MAML3: variants seen among roughly 807,000 people sequenced by gnomAD.
MAML3 encodes the protein mastermind like transcriptional coactivator 3, also known as mastermind-like protein 3.
A neutral mutation model predicts 101.9 loss-of-function variants in MAML3; 27 were observed. The observed-to-expected ratio is 0.27, with a 90% CI of 0.20 to 0.37. MAML3 has a LOEUF of 0.37. MAML3 is among the 10% of genes least tolerant of loss of function. The pLI, the probability that MAML3 is intolerant of heterozygous loss-of-function variation, is 1.00. For synonymous variants in MAML3, 501 were observed against 555.9 expected (o/e 0.90, Z 1.39); for missense variants, 1,316 against 1,444.9 (o/e 0.91, Z 1.45).
intron 1 of MAML3, among the ~76,000 whole-genome samples, chr4:139,988,812 A>G (rs888530292): frequency 6.6e-6 from 1 of 152,184 alleles, no homozygotes; most frequent in Non-Finnish European, 1.5e-5. Flanking sequence ...CTCTGGACTA[A>G]CAAGCAACTC....
chr4:140,089,895 T>C (rs1254859708), intron 1 of MAML3, among the ~76,000 whole-genome samples: 2 of 152,208 alleles, frequency 1.3e-5, no homozygotes, highest in Non-Finnish European at 2.9e-5. Flanking sequence ...AGTGCTGGGA[T>C]TCCAGACATG....
chr4:140,051,923 A>C (rs150972188), intron 1 of MAML3, among the ~76,000 whole-genome samples: 2 of 152,136 alleles, frequency 1.3e-5, no homozygotes, highest in Non-Finnish European at 2.9e-5. Flanking sequence ...GAACCAGGCA[A>C]TTCTCTCTGA....
intron 1 of MAML3, among the ~76,000 whole-genome samples, chr4:140,029,028 G>T (rs537207624): frequency 6.6e-6 from 1 of 152,128 alleles, no homozygotes; most frequent in Non-Finnish European, 1.5e-5. Context: ...CTGACCTTGA[G>T]TAAAGCACCT....
intron 1 of MAML3, among the ~76,000 whole-genome samples, chr4:139,893,463 G>A (rs1732544540): frequency 6.6e-6 from 1 of 152,124 alleles, no homozygotes. Flanking sequence ...GTTCCAAGAA[G>A]GTAGGAACCG....
chr4:139,822,916 T>A (rs1730999576), intron 2 of MAML3, among the ~76,000 whole-genome samples: 1 of 152,230 alleles, frequency 6.6e-6, no homozygotes, highest in South Asian at 2.1e-4. Flanking sequence ...GTGGTATCTC[T>A]CCCTAAAGTG....
chr4:140,071,295 G>T (rs1170925604), intron 1 of MAML3, among the ~76,000 whole-genome samples: 1 of 152,084 alleles, frequency 6.6e-6, no homozygotes, highest in Admixed American at 6.6e-5. Flanking sequence ...CCCAGAACTT[G>T]TCCCATCCAG....
chr4:140,052,907 T>TC (rs1483378362), intron 1 of MAML3, among the ~76,000 whole-genome samples: 2 of 152,130 alleles, frequency 1.3e-5, no homozygotes, highest in Non-Finnish European at 2.9e-5. Context: ...AACTATTTCC[T>TC]CCTAACAGGG....
intron 2 of MAML3, among the ~76,000 whole-genome samples, chr4:139,823,465 C>T (rs765443948): frequency 2.0e-5 from 3 of 152,190 alleles, no homozygotes; most frequent in African/African-American, 4.8e-5. Flanking sequence ...TGACTGCTGC[C>T]TGTGTCACTT....
At chr4:139,920,764 C>T (rs1733116705) in intron 1 of MAML3, among the ~76,000 whole-genome samples, 1 of 152,166 alleles carries the variant, frequency 6.6e-6, no homozygotes, top group Admixed American at 6.5e-5. Context: ...CTTTTCCTCC[C>T]AGGAGGCCCC....
chr4:140,111,634 G>C (rs1018434669), intron 1 of MAML3, among the ~76,000 whole-genome samples: 1 of 152,188 alleles, frequency 6.6e-6, no homozygotes. Flanking sequence ...TGATTTGATA[G>C]AATAGAGCTG....
chr4:139,977,355 G>A (rs953979458), intron 1 of MAML3, among the ~76,000 whole-genome samples: 95 of 152,240 alleles, frequency 6.2e-4, no homozygotes, highest in Non-Finnish European at 2.6e-4. Flanking sequence ...TGCCGAGGGT[G>A]AGAAACTCTG....
At chr4:140,090,566 A>G (rs1728026144) in intron 1 of MAML3, among the ~76,000 whole-genome samples, 1 of 152,228 alleles carries the variant, frequency 6.6e-6, no homozygotes, top group Admixed American at 6.5e-5. Context: ...AGTTGAGAAG[A>G]TCAAACAATG....
At chr4:139,950,772 G>C (rs1445911924) in intron 1 of MAML3, among the ~76,000 whole-genome samples, 1 of 152,040 alleles carries the variant, frequency 6.6e-6, no homozygotes, top group African/African-American at 2.4e-5. Context: ...CCCAAGTAGG[G>C]GCCCCAGAGA....
rs375301822 is a variant in MAML3, at chr4:139,735,601, C to G, written c.2080-4934G>C. Among the ~76,000 whole-genome samples the G allele has an allele frequency of 4.1e-4, 62 of 152,328 alleles. 1 individual carries two copies. In the East Asian group the frequency reaches 0.011, roughly 26 times the overall value. ...AGCGAGCCTCGGGTCGGCCCGGCAC[C>G]GCTGCTTCGGCTCAGAGTCCTTGCA... On this transcript the variant is annotated intron_variant, in intron 2 of 4. Transcript: ENST00000509479. This position sits in a 1 kb window ranked among gnomAD's most constrained non-coding sequence, Gnocchi z 5.8.
intron 1 of MAML3, among the ~76,000 whole-genome samples, chr4:140,006,794 AAAT>A (rs1726460955): frequency 6.6e-6 from 1 of 152,176 alleles, no homozygotes; most frequent in Non-Finnish European, 1.5e-5. Context: ...TATCAAATAA[AAAT>A]AATAAAAGCT....
intron 2 of MAML3, among the ~76,000 whole-genome samples, chr4:139,764,435 C>A (rs1342680379): frequency 1.3e-5 from 2 of 152,198 alleles, no homozygotes; most frequent in Non-Finnish European, 2.9e-5. Flanking sequence ...AGGCTACGAC[C>A]TTTTCCCGAA....
intron 2 of MAML3, among the ~76,000 whole-genome samples, chr4:139,746,597 C>T (rs1358197178): frequency 2.0e-5 from 3 of 152,172 alleles, no homozygotes; most frequent in Non-Finnish European, 4.4e-5. Flanking sequence ...CCCCATCTGT[C>T]TCTCTCGCTC....
intron 1 of MAML3, among the ~76,000 whole-genome samples, chr4:139,971,297 G>A (rs948924910): frequency 6.6e-6 from 1 of 152,178 alleles, no homozygotes; most frequent in Non-Finnish European, 1.5e-5. Flanking sequence ...TTTGGTGATT[G>A]TGGACTAAAC....
At chr4:140,126,019 A>T (rs569699514) in intron 1 of MAML3, among the ~76,000 whole-genome samples, 29 of 151,624 alleles carry the variant, frequency 1.9e-4, no homozygotes, top group African/African-American at 7.0e-4. Flanking sequence ...CTCGTGATCC[A>T]CCCGCCTTGG....
Sources: allele counts gnomAD v4.1 joint callset (sites outside exome capture counted in the v4.1 genomes callset), GRCh38; gene constraint gnomAD v4.1.1; non-coding constraint Gnocchi (gnomAD v3.1); transcripts MANE v1.5; gene names NCBI Gene and HGNC (gene_info 2026-07-23, HGNC 2026-07-21).